The following NEIL3 variants were observed in gnomAD, a reference collection of about 807,000 sequenced individuals.
The protein encoded by NEIL3 is endonuclease 8-like 3.
NEIL3 carries 48 observed loss-of-function variants against 57.5 expected under a neutral mutation model. The observed-to-expected ratio is 0.83, with a 90% CI of 0.66 to 1.06. The LOEUF is 1.06. Ranked by LOEUF, NEIL3 falls within the 50% of genes least tolerant of loss-of-function variation. The pLI is 0.00. For synonymous variants in NEIL3, 261 were observed against 253.2 expected (o/e 1.03, Z -0.29); for missense variants, 717 against 739.1 (o/e 0.97, Z 0.35).
At chr4:177,352,757 G>A (rs2110930905) in intron 7 of NEIL3, among the ~76,000 whole-genome samples, 1 of 152,028 alleles carries the variant, frequency 6.6e-6, no homozygotes, top group Admixed American at 6.5e-5. Context: ...GTGAACCCGG[G>A]AGGCGGAGGT....
At chr4:177,333,562 G>A (rs534804005) in intron 2 of NEIL3, among the ~76,000 whole-genome samples, 3 of 152,132 alleles carry the variant, frequency 2.0e-5, no homozygotes, top group Admixed American at 1.3e-4. Flanking sequence ...AATACAGGCA[G>A]GCTTCAAGGA....
chr4:177,358,675 G>A (rs1311814412), intron 8 of NEIL3, among the ~76,000 whole-genome samples: 1 of 152,110 alleles, frequency 6.6e-6, no homozygotes, highest in Non-Finnish European at 1.5e-5. Context: ...AAGGCAGAGA[G>A]ATGACATTTG....
chr4:177,336,087 G>C (rs766210707), intron 3 of NEIL3, 21 bp from the exon 4 acceptor site: 12 of 1,565,382 alleles, frequency 7.7e-6, no homozygotes, highest in Non-Finnish European at 8.8e-6. Context: ...TGATTAATGT[G>C]TTTTATATTC....
intron 9 of NEIL3, 39 bp downstream of exon 9, chr4:177,360,716 A>T (rs2110944326): frequency 1.4e-6 from 2 of 1,480,412 alleles, no homozygotes; most frequent in South Asian, 2.6e-5. Context: ...AAATGTAATT[A>T]AATGCTTTGG....
the NEIL3 span, among the ~76,000 whole-genome samples, chr4:177,369,674 G>T: frequency 6.6e-6 from 1 of 152,072 alleles, no homozygotes; most frequent in South Asian, 2.1e-4. Context: ...TTGAGTCCTG[G>T]AGTCAGACTG....
chr4:177,351,683 G>A (rs969553396), intron 7 of NEIL3, 134 bp downstream of exon 7: 23 of 725,170 alleles, frequency 3.2e-5, no homozygotes, highest in African/African-American at 7.1e-5. Flanking sequence ...TAAAGGAATT[G>A]CCAGTTTTCA....
At chr4:177,332,273 T>C (rs912569611) in intron 2 of NEIL3, among the ~76,000 whole-genome samples, 1 of 152,166 alleles carries the variant, frequency 6.6e-6, no homozygotes, top group South Asian at 2.1e-4. Flanking sequence ...CATCACAGTA[T>C]TTTGTGCCAA....
At chr4:177,332,667 G>T (rs1385133623) in intron 2 of NEIL3, among the ~76,000 whole-genome samples, 1 of 152,102 alleles carries the variant, frequency 6.6e-6, no homozygotes, top group Non-Finnish European at 1.5e-5. Flanking sequence ...GCCCACGAGT[G>T]TGTATTCTCC....
intron 1 of NEIL3, among the ~76,000 whole-genome samples, chr4:177,312,458 T>C (rs1734494697): frequency 6.6e-6 from 1 of 152,230 alleles, no homozygotes. Context: ...TTTGGCTGTG[T>C]CTACCACCAT....
At position 177,322,527 on chromosome 4, in the gene NEIL3, C is replaced by T. The variant is rs772171862; in HGVS notation, c.225C>T (p.Gly75=). ...LSLFNGYVYS[G]VETLGKELFM... is the part of the protein sequence containing the mutation. ...TGTTTAATGGATATGTTTACAGTGGCGTGGAAACTTTGGGGAAGGAGCTCT... is the reference window on the plus strand; with the variant it reads ...TGTTTAATGGATATGTTTACAGTGGTGTGGAAACTTTGGGGAAGGAGCTCT... The change falls in exon 2 of 10, where the codon GGC becomes GGT. Residue 75 remains glycine, a synonymous_variant. Transcript: ENST00000264596. The T allele has an allele frequency of 6.2e-6, 10 of 1,613,692 alleles. No homozygotes were observed. Among genetic ancestry groups the T allele is most frequent in the Middle Eastern group, 1.6e-4 (1 of 6,084 alleles).
intron 2 of NEIL3, among the ~76,000 whole-genome samples, chr4:177,327,847 T>C (rs1001455747): frequency 1.8e-4 from 27 of 152,350 alleles, no homozygotes; most frequent in African/African-American, 6.5e-4. Context: ...GAATTCTATA[T>C]TGATTGATTT....
At chr4:177,333,220 G>T (rs1379586409) in intron 2 of NEIL3, among the ~76,000 whole-genome samples, 1 of 152,070 alleles carries the variant, frequency 6.6e-6, no homozygotes, top group Non-Finnish European at 1.5e-5. Flanking sequence ...GTGAAACTGT[G>T]ACAGTACTGC....
chr4:177,357,880 A>G (rs1735510543), intron 8 of NEIL3, among the ~76,000 whole-genome samples: 3 of 152,226 alleles, frequency 2.0e-5, no homozygotes, highest in Non-Finnish European at 4.4e-5. Context: ...ATTCAAAATC[A>G]TGGTCATGAT....
Position 177,310,872 on chromosome 4 carries a change from G to A in NEIL3, c.156+763G>A, listed in dbSNP as rs35452754. On this transcript the variant is annotated intron_variant, in intron 1 of 9. Coordinates refer to ENST00000264596, the MANE Select transcript of NEIL3 (RefSeq NM_018248.3). ...ACTGTATTTCAATTTCTTCTGCAAA[G>A]CTTCTTATAGCCTTTGGTCCTGGAA... 8.0e-3 allele frequency among the ~76,000 whole-genome samples: 1,224 copies of A among 152,308 alleles called. 14 individuals are homozygous for A. The highest frequency in any genetic ancestry group is 0.028 in the African/African-American group (1,161 of 41,572).
intron 5 of NEIL3, among the ~76,000 whole-genome samples, chr4:177,340,815 C>T (rs536029501): frequency 8.6e-5 from 13 of 151,936 alleles, no homozygotes; most frequent in African/African-American, 2.9e-4. Context: ...TTTGTAGGAG[C>T]CTTAAATATT....
chr4:177,334,570 C>G (rs1252965252), intron 2 of NEIL3, among the ~76,000 whole-genome samples: 3 of 152,080 alleles, frequency 2.0e-5, no homozygotes, highest in Non-Finnish European at 1.5e-5. Flanking sequence ...CAGTTGTACA[C>G]CTTTCACTGG....
At chr4:177,358,666 A>G (rs1735539944) in intron 8 of NEIL3, among the ~76,000 whole-genome samples, 1 of 152,134 alleles carries the variant, frequency 6.6e-6, no homozygotes, top group African/African-American at 2.4e-5. Flanking sequence ...GCAGAAGTGA[A>G]GGCAGAGAGA....
chr4:177,317,689 C>G lies in NEIL3; in HGVS notation c.157-4770C>G, dbSNP rs1390855900. 3.4e-5 allele frequency among the ~76,000 whole-genome samples: 5 copies of G among 147,672 alleles called. No homozygotes were observed. In the East Asian group the frequency reaches 9.9e-4, roughly 29 times the overall value. ...AGAGATCAGCTCACTGCAGCCTCCA[C>G]CTCCTGGGTTCAAGCGATTCTCCTG... On this transcript the variant is annotated intron_variant, in intron 1 of 9. Coordinates refer to ENST00000264596, the MANE Select transcript of NEIL3 (RefSeq NM_018248.3).
intron 1 of NEIL3, among the ~76,000 whole-genome samples, chr4:177,320,468 T>TGCTGTC (rs551619306): frequency 0.11 from 3,289 of 30,398 alleles, 74 homozygotes; most frequent in South Asian, 0.17. Flanking sequence ...ACTGCTGTCT[T>TGCTGTC]TTTTTTTTTT....
Sources: allele counts gnomAD v4.1 joint callset (sites outside exome capture counted in the v4.1 genomes callset), GRCh38; gene constraint gnomAD v4.1.1; transcripts MANE v1.5; gene names NCBI Gene and HGNC (gene_info 2026-07-23, HGNC 2026-07-21).